C10orf90: variants seen among roughly 807,000 people sequenced by gnomAD.
The protein encoded by C10orf90 is (E2-independent) E3 ubiquitin-conjugating enzyme FATS.
A neutral mutation model predicts 62.5 loss-of-function variants in C10orf90; 56 were observed. The ratio of observed to expected loss-of-function variants is 0.90; its 90% CI spans 0.72 to 1.12. The LOEUF (loss-of-function observed/expected upper bound fraction) is 1.12, where lower values mean the gene tolerates loss of function less well. C10orf90 is among the 50% of genes most tolerant of loss of function. C10orf90 has a pLI of 0.00. For synonymous variants in C10orf90, 386 were observed against 340.4 expected (o/e 1.13, Z -1.47); for missense variants, 970 against 880.4 (o/e 1.10, Z -1.29).
intron 2 of C10orf90, among the ~76,000 whole-genome samples, chr10:126,610,788 T>C (rs1845415696): frequency 6.6e-6 from 1 of 152,158 alleles, no homozygotes; most frequent in Non-Finnish European, 1.5e-5. Context: ...CACTCAGAGT[T>C]AATAATTGAA....
In C10orf90 at chr10:126,425,034, G is replaced by A. The variant is rs1245055025; in HGVS notation, c.*830C>T. The A allele has an allele frequency of 6.6e-6, 1 of 152,160 alleles. No homozygotes were observed. Among genetic ancestry groups the A allele is most frequent in the Non-Finnish European group, 1.5e-5 (1 of 68,022 alleles). 9.4% of individuals were successfully genotyped at this position (152,160 alleles called of 1,614,324 possible). ...AATAATTGCATTTATTTCCATTTGT[G>A]TTGTAAAAACTAGCTTGTTCTTAGC... On this transcript the variant is annotated 3_prime_UTR_variant, in exon 10 of 10. Transcript: ENST00000488181.
At chr10:126,666,009 C>T (rs1200549622) in intron 1 of C10orf90, among the ~76,000 whole-genome samples, 1 of 152,208 alleles carries the variant, frequency 6.6e-6, no homozygotes, top group East Asian at 1.9e-4. Context: ...GTACAAACAC[C>T]TTGTCACACA....
At chr10:126,576,782 T>TTA (rs1362245090) in intron 2 of C10orf90, among the ~76,000 whole-genome samples, 14 of 144,034 alleles carry the variant, frequency 9.7e-5, no homozygotes, top group South Asian at 4.3e-4. Context: ...CATATACATA[T>TTA]TATATATATA....
chr10:126,555,717 T>A (rs866662558), intron 2 of C10orf90, among the ~76,000 whole-genome samples: 4 of 148,632 alleles, frequency 2.7e-5, no homozygotes, highest in South Asian at 2.1e-4. Context: ...AATAAATAAA[T>A]AAAAATTAAA....
intron 2 of C10orf90, among the ~76,000 whole-genome samples, chr10:126,530,018 TGTA>T (rs1448199731): frequency 6.6e-6 from 1 of 152,180 alleles, no homozygotes. Flanking sequence ...CTAAATGAAA[TGTA>T]GTATCTACAT....
At chr10:126,513,677 G>A (rs958392154) in intron 3 of C10orf90, among the ~76,000 whole-genome samples, 171 bp downstream of exon 3, 1 of 152,204 alleles carries the variant, frequency 6.6e-6, no homozygotes, top group African/African-American at 2.4e-5. Flanking sequence ...AATTGTTGCT[G>A]AAGATGATAA....
At chr10:126,555,672 C>G (rs1168602329) in intron 2 of C10orf90, among the ~76,000 whole-genome samples, 8 of 119,410 alleles carry the variant, frequency 6.7e-5, no homozygotes, top group East Asian at 2.8e-4. Context: ...GAGGGAGACT[C>G]TATCTCAGTA....
In C10orf90 at chr10:126,663,741, A is replaced by G. The variant is rs556172012; in HGVS notation, c.240+6500T>C. ...TCATGCGGTTGGAAAATATTGGTCT[A>G]GAACTTGCAGATCATGGGTTCAGAA... is the stretch of plus-strand genomic sequence containing the variant. On this transcript the variant is annotated intron_variant, in intron 1 of 9. Transcript: ENST00000488181. Among the ~76,000 whole-genome samples, 4 of 152,268 alleles carry G rather than the reference A, an allele frequency of 2.6e-5. No individual in the cohort carries two copies. The South Asian group carries it at 8.3e-4, about 32-fold the overall frequency.
chr10:126,609,995 C>A (rs1341828145), intron 2 of C10orf90, among the ~76,000 whole-genome samples: 1 of 152,156 alleles, frequency 6.6e-6, no homozygotes, highest in Non-Finnish European at 1.5e-5. Context: ...AGCCTCCAGG[C>A]AGAACACATC....
intron 7 of C10orf90, among the ~76,000 whole-genome samples, chr10:126,454,780 G>A (rs1859435869): frequency 6.6e-6 from 1 of 152,080 alleles, no homozygotes; most frequent in South Asian, 2.1e-4. Flanking sequence ...CCAGGTTATG[G>A]CCGGCCTTTG....
At chr10:126,475,920 G>A (rs1860831712) in intron 4 of C10orf90, among the ~76,000 whole-genome samples, 1 of 152,104 alleles carries the variant, frequency 6.6e-6, no homozygotes, top group South Asian at 2.1e-4. Flanking sequence ...ACGTCCAAAC[G>A]TATTTTCAGG....
chr10:126,563,870 C>A (rs1251648216), intron 2 of C10orf90, among the ~76,000 whole-genome samples: 1 of 152,186 alleles, frequency 6.6e-6, no homozygotes, highest in Non-Finnish European at 1.5e-5. Flanking sequence ...CAGTCCTGTG[C>A]AGGGCCAGAT....
chr10:126,561,074 C>T (rs913384412), intron 2 of C10orf90, among the ~76,000 whole-genome samples: 1 of 149,764 alleles, frequency 6.7e-6, no homozygotes, highest in African/African-American at 2.4e-5. Flanking sequence ...ATGCATCCCT[C>T]CACTTCCTGT....
intron 4 of C10orf90, among the ~76,000 whole-genome samples, chr10:126,470,901 CT>C (rs1335080088): frequency 6.6e-6 from 1 of 152,106 alleles, no homozygotes; most frequent in African/African-American, 2.4e-5. Context: ...CAACTTTTGT[CT>C]GCAGGTTAAA....
intron 1 of C10orf90, among the ~76,000 whole-genome samples, chr10:126,662,412 T>G (rs952900166): frequency 1.3e-5 from 2 of 152,176 alleles, no homozygotes; most frequent in East Asian, 3.9e-4. Context: ...TCATAGAGAC[T>G]TTCTCCCTAC....
chr10:126,461,271 TCA>T, intron 6 of C10orf90, 128 bp downstream of exon 6: 1 of 1,068,816 alleles, frequency 9.4e-7, no homozygotes, highest in Non-Finnish European at 1.3e-6. Flanking sequence ...ACCTGCCCAG[TCA>T]CACAGCTGCT....
intron 2 of C10orf90, among the ~76,000 whole-genome samples, chr10:126,626,299 CAG>C (rs1845742318): frequency 6.6e-6 from 1 of 152,148 alleles, no homozygotes; most frequent in Admixed American, 6.5e-5. Context: ...CTAGAACAGA[CAG>C]GGAGGGGTTC....
At chr10:126,590,477 C>A (rs1844956687) in intron 2 of C10orf90, among the ~76,000 whole-genome samples, 1 of 152,032 alleles carries the variant, frequency 6.6e-6, no homozygotes, top group South Asian at 2.1e-4. Flanking sequence ...GAACTGAAAT[C>A]ATTAACAGTC....
At chr10:126,559,050 G>T (rs1307701593) in intron 2 of C10orf90, among the ~76,000 whole-genome samples, 1 of 152,204 alleles carries the variant, frequency 6.6e-6, no homozygotes, top group South Asian at 2.1e-4. Flanking sequence ...AAAAATACTT[G>T]CATGTAGTAA....
Sources: allele counts gnomAD v4.1 joint callset (sites outside exome capture counted in the v4.1 genomes callset), GRCh38; gene constraint gnomAD v4.1.1; transcripts MANE v1.5; gene names NCBI Gene and HGNC (gene_info 2026-07-23, HGNC 2026-07-21).